Variants in TCF20 observed in about 807,000 individuals in gnomAD.
TCF20 encodes transcription factor 20.
In TCF20, 3 loss-of-function variants were observed where a neutral mutation model predicts 148.6. The observed-to-expected ratio is 0.02, with a 90% CI of 0.01 to 0.05. TCF20 has a LOEUF of 0.05. TCF20 is among the 10% of genes least tolerant of loss of function. The pLI is 1.00. For missense variants in TCF20, 2,350 were observed against 2,429.3 expected (o/e 0.97, Z 0.69); for synonymous variants, 1,049 against 909.5 (o/e 1.15, Z -2.76).
intron 1 of TCF20, among the ~76,000 whole-genome samples, chr22:42,322,288 G>A (rs1927746639): frequency 6.6e-6 from 1 of 151,914 alleles, no homozygotes; most frequent in African/African-American, 2.4e-5. Flanking sequence ...ACACTCAGAA[G>A]ATGTATAAGA....
intron 2 of TCF20, among the ~76,000 whole-genome samples, chr22:42,206,240 A>AC (rs1938375920): frequency 6.6e-6 from 1 of 152,320 alleles, no homozygotes; most frequent in African/African-American, 2.4e-5. Context: ...TCAGATGGTC[A>AC]CATACACATA....
At chr22:42,255,097 C>T (rs780896784) in intron 1 of TCF20, among the ~76,000 whole-genome samples, 3 of 151,820 alleles carry the variant, frequency 2.0e-5, no homozygotes, top group Admixed American at 6.6e-5. Flanking sequence ...TCAGTTTTCT[C>T]GTTTGAAAAA....
intron 1 of TCF20, among the ~76,000 whole-genome samples, chr22:42,339,491 G>A (rs1183409962): frequency 1.3e-5 from 2 of 152,220 alleles, no homozygotes; most frequent in Non-Finnish European, 2.9e-5. Flanking sequence ...AGCATTCTCT[G>A]GGCAGCGAAC....
intron 1 of TCF20, among the ~76,000 whole-genome samples, chr22:42,231,962 G>A (rs1923458357): frequency 6.6e-6 from 1 of 150,638 alleles, no homozygotes; most frequent in African/African-American, 2.4e-5. Flanking sequence ...AGTAATCTAA[G>A]GTTAATAATA....
At chr22:42,190,033 T>C (rs1221211031) in intron 2 of TCF20, among the ~76,000 whole-genome samples, 6 of 152,246 alleles carry the variant, frequency 3.9e-5, no homozygotes, top group African/African-American at 1.2e-4. Flanking sequence ...TGTCTCTCAC[T>C]GGTACAGGAG....
At chr22:42,322,768 G>GAATGAATGAGTGCCTGAGTA (rs772880652) in intron 1 of TCF20, among the ~76,000 whole-genome samples, 16,130 of 143,728 alleles carry the variant, frequency 0.11, 1,690 homozygotes, top group African/African-American at 0.3. Flanking sequence ...GTGTCTGAGT[G>GAATGAATGAGTGCCTGAGTA]AATGAATGAG....
At chr22:42,270,730 CGGGGCGGGGCGCGCGGCG>C (rs1258666126), upstream of TCF20, among the ~76,000 whole-genome samples, 296 of 117,106 alleles carry the variant, frequency 2.5e-3, no homozygotes, top group Non-Finnish European at 4.2e-3. Context: ...GGGCGCGCGG[CGGGGCGGGGCGCGCGGCG>C]GGGGCGGGGC....
intron 1 of TCF20, among the ~76,000 whole-genome samples, chr22:42,234,140 G>A (rs148487617): frequency 1.3e-5 from 2 of 152,276 alleles, no homozygotes; most frequent in East Asian, 1.9e-4. Context: ...CCTAATTTAC[G>A]AGCAGAAGTC....
chr22:42,321,211 A>G (rs547250257), intron 1 of TCF20, among the ~76,000 whole-genome samples: 1 of 152,332 alleles, frequency 6.6e-6, no homozygotes, highest in East Asian at 1.9e-4. Context: ...GGCTCCAGAC[A>G]GGCGGCACTT....
At chr22:42,337,128 G>A (rs1928081063) in intron 1 of TCF20, among the ~76,000 whole-genome samples, 1 of 152,112 alleles carries the variant, frequency 6.6e-6, no homozygotes, top group Admixed American at 6.5e-5. Context: ...CACATCAGGG[G>A]CTCCTGGGCC....
At chr22:42,172,263 G>A (rs117618797) in intron 3 of TCF20, among the ~76,000 whole-genome samples, 1 of 152,224 alleles carries the variant, frequency 6.6e-6, no homozygotes, top group Non-Finnish European at 1.5e-5. Context: ...AAACCTGGAG[G>A]GCACAGGGGA....
intron 1 of TCF20, among the ~76,000 whole-genome samples, chr22:42,314,168 A>G (rs1569207368): frequency 6.6e-6 from 1 of 152,216 alleles, no homozygotes; most frequent in Non-Finnish European, 1.5e-5. Context: ...GGGCAGAGAG[A>G]AGACATCTCC....
intron 1 of TCF20, among the ~76,000 whole-genome samples, chr22:42,260,845 A>AG (rs1180993855): frequency 4.6e-5 from 7 of 152,148 alleles, no homozygotes; most frequent in African/African-American, 1.7e-4. Flanking sequence ...GTTGAGAGTG[A>AG]GGGGGAAAAG....
At chr22:42,167,279 C>T (rs1443126180) in intron 5 of TCF20, among the ~76,000 whole-genome samples, 3 of 152,162 alleles carry the variant, frequency 2.0e-5, no homozygotes, top group African/African-American at 4.8e-5. Flanking sequence ...TCTCAAATGG[C>T]GTGGCAGCCG....
intron 1 of TCF20, among the ~76,000 whole-genome samples, chr22:42,291,608 G>C (rs1427815656): frequency 6.6e-6 from 1 of 152,156 alleles, no homozygotes; most frequent in Non-Finnish European, 1.5e-5. Flanking sequence ...ATGCAGCAAA[G>C]GCAGCCCCTG....
At chr22:42,203,291 A>G (rs960465404) in intron 2 of TCF20, among the ~76,000 whole-genome samples, 6 of 152,196 alleles carry the variant, frequency 3.9e-5, no homozygotes, top group Admixed American at 6.5e-5. Flanking sequence ...GATTACAAGC[A>G]TAAGCCACCT....
At chr22:42,207,097 G>T (rs1031661936) in intron 2 of TCF20, among the ~76,000 whole-genome samples, 6 of 152,176 alleles carry the variant, frequency 3.9e-5, no homozygotes, top group Non-Finnish European at 5.9e-5. Context: ...GTAAGTGGGG[G>T]TGCAACATGG....
intron 1 of TCF20, among the ~76,000 whole-genome samples, chr22:42,275,967 G>C (rs550623323): frequency 6.6e-6 from 1 of 152,180 alleles, no homozygotes; most frequent in Non-Finnish European, 1.5e-5. Context: ...AGAGCAGCTC[G>C]GAGGGGGCAG....
At chr22:42,221,500 C>T (rs1922353722) in intron 1 of TCF20, among the ~76,000 whole-genome samples, 1 of 152,084 alleles carries the variant, frequency 6.6e-6, no homozygotes, top group Non-Finnish European at 1.5e-5. Context: ...AGACTATTGC[C>T]ACTTGGGGAA....
Sources: allele counts gnomAD v4.1 joint callset (sites outside exome capture counted in the v4.1 genomes callset), GRCh38; gene constraint gnomAD v4.1.1; transcripts MANE v1.5; gene names NCBI Gene and HGNC (gene_info 2026-07-23, HGNC 2026-07-21).